The following SLC2A9 variants were observed in gnomAD, a reference collection of about 807,000 sequenced individuals.
SLC2A9 encodes the protein solute carrier family 2 member 9, also known as solute carrier family 2, facilitated glucose transporter member 9.
Under a neutral mutation model 50.6 loss-of-function variants are expected in SLC2A9, and 39 were observed. The observed-to-expected ratio is 0.77, with a 90% CI of 0.60 to 1.01. The LOEUF is 1.01. SLC2A9 is among the 50% of genes least tolerant of loss of function. SLC2A9 has a pLI of 0.00. For synonymous variants in SLC2A9, 324 were observed against 276.9 expected (o/e 1.17, Z -1.69); for missense variants, 686 against 677.6 (o/e 1.01, Z -0.14).
chr4:9,772,191 C>G (rs974276998), intron 1 of SLC2A9, among the ~76,000 whole-genome samples: 1 of 152,052 alleles, frequency 6.6e-6, no homozygotes, highest in Non-Finnish European at 1.5e-5. Context: ...GAGACCTGCC[C>G]AACAGCTCTG....
intron 6 of SLC2A9, among the ~76,000 whole-genome samples, chr4:9,940,665 G>A (rs1560347709): frequency 1.3e-5 from 2 of 152,152 alleles, no homozygotes; most frequent in Admixed American, 6.5e-5. Flanking sequence ...TCTGCAAAAT[G>A]AAGGTAATAA....
At chr4:10,020,878 G>A (rs1763423963) in intron 1 of SLC2A9, among the ~76,000 whole-genome samples, 1 of 152,230 alleles carries the variant, frequency 6.6e-6, no homozygotes, top group Admixed American at 6.5e-5. Flanking sequence ...CCCCCTGCCT[G>A]TGTGGCCCGC....
In SLC2A9 at chr4:10,032,006, G is replaced by C. The variant is rs561883549; in HGVS notation, c.-40-6000C>G. On this transcript the variant is annotated intron_variant, in intron 1 of 12. Transcript: ENST00000309065. Reference sequence around the variant, plus strand: ...TTGTTTTAGCTTCACTCATTCATGCGTTCACTTATTCATCCGATGGTGTAT... The same window carrying C: ...TTGTTTTAGCTTCACTCATTCATGCCTTCACTTATTCATCCGATGGTGTAT... Among the ~76,000 whole-genome samples, 8 of 152,276 alleles carry C rather than the reference G, an allele frequency of 5.3e-5. No homozygotes were observed. The East Asian group carries it at 1.5e-3, about 29-fold the overall frequency.
chr4:9,889,734 C>T (rs1053849636), intron 9 of SLC2A9, among the ~76,000 whole-genome samples: 1 of 152,168 alleles, frequency 6.6e-6, no homozygotes, highest in Non-Finnish European at 1.5e-5. Context: ...TTGAAAAATG[C>T]AAAGATTAAT....
chr4:10,015,520 G>T (rs1054011737), intron 2 of SLC2A9, among the ~76,000 whole-genome samples: 2 of 152,178 alleles, frequency 1.3e-5, no homozygotes, highest in African/African-American at 4.8e-5. Flanking sequence ...CATTTTTGTT[G>T]CAAGGATAGG....
At chr4:9,925,926 C>T (rs751154748) in intron 6 of SLC2A9, among the ~76,000 whole-genome samples, 9 of 152,140 alleles carry the variant, frequency 5.9e-5, no homozygotes, top group Non-Finnish European at 1.2e-4. Flanking sequence ...TGGCAGGCTC[C>T]CCATGGTCCT....
intron 1 of SLC2A9, among the ~76,000 whole-genome samples, chr4:10,032,041 C>CA (rs1763954782): frequency 6.6e-6 from 1 of 152,226 alleles, no homozygotes; most frequent in Non-Finnish European, 1.5e-5. Context: ...TATTGAGCAC[C>CA]TACCTTGTGT....
At chr4:9,859,666 C>T (rs115888137) in intron 10 of SLC2A9, among the ~76,000 whole-genome samples, 60 of 152,336 alleles carry the variant, frequency 3.9e-4, no homozygotes, top group African/African-American at 1.2e-3. Flanking sequence ...TCAGCCTTTG[C>T]TACTGTTTCT....
intron 3 of SLC2A9, among the ~76,000 whole-genome samples, chr4:9,799,515 C>G (rs1721039350): frequency 6.6e-6 from 1 of 152,078 alleles, no homozygotes; most frequent in Non-Finnish European, 1.5e-5. Context: ...TAATCAGCTC[C>G]TAAAGGCACC....
intron 5 of SLC2A9, among the ~76,000 whole-genome samples, chr4:9,946,203 A>C (rs138709947): frequency 6.7e-6 from 1 of 150,076 alleles, no homozygotes; most frequent in African/African-American, 2.5e-5. Context: ...GGTGATTTTT[A>C]ACTCCCAGTC....
At chr4:9,791,492 G>A (rs1191350062) in intron 3 of SLC2A9, among the ~76,000 whole-genome samples, 1 of 152,236 alleles carries the variant, frequency 6.6e-6, no homozygotes, top group African/African-American at 2.4e-5. Context: ...TTTAGTTGAT[G>A]CTGAAGGGGG....
chr4:9,836,296 T>C (rs1441675969), intron 10 of SLC2A9, among the ~76,000 whole-genome samples: 1 of 143,894 alleles, frequency 6.9e-6, no homozygotes, highest in Non-Finnish European at 1.5e-5. Context: ...AAAAAACCTA[T>C]GGAAATAAAA....
In SLC2A9 at chr4:9,990,614, T is replaced by C. The variant is rs1436231015; in HGVS notation, c.411-4821A>G. ...TTTCTAACCCTGCTTTCCCGGCTCA[T>C]GCGTCTGTAATACCAAAGGGGTTGT... is the stretch of plus-strand genomic sequence containing the variant. On this transcript the variant is annotated intron_variant, in intron 3 of 11. Coordinates refer to ENST00000264784, the MANE Select transcript of SLC2A9 (RefSeq NM_020041.3). Among the ~76,000 whole-genome samples the C allele has an allele frequency of 2.0e-5, 3 of 152,284 alleles. No homozygotes were observed. In the South Asian group the frequency reaches 6.2e-4, roughly 32 times the overall value.
intron 3 of SLC2A9, among the ~76,000 whole-genome samples, chr4:9,791,628 T>G (rs1719929804): frequency 6.6e-6 from 1 of 152,114 alleles, no homozygotes. Flanking sequence ...GTTGTGGGTG[T>G]TCTATGAAGA....
intron 1 of SLC2A9, chr4:10,019,381 C>T: frequency 4.3e-6 from 2 of 467,648 alleles, no homozygotes; most frequent in Non-Finnish European, 7.8e-6. Context: ...ACGATCCTTT[C>T]AGCGAAGTTG....
At chr4:9,797,498 G>A (rs1720733522), downstream of SLC2A9, among the ~76,000 whole-genome samples, 1 of 152,190 alleles carries the variant, frequency 6.6e-6, no homozygotes, top group South Asian at 2.1e-4. Flanking sequence ...GCCCAAGTCT[G>A]CATATGTATG....
chr4:9,829,126 G>A (rs1049633756), intron 11 of SLC2A9, among the ~76,000 whole-genome samples: 1 of 152,110 alleles, frequency 6.6e-6, no homozygotes, highest in African/African-American at 2.4e-5. Context: ...TGGCTCAGCC[G>A]AGCACAGTAG....
intron 7 of SLC2A9, among the ~76,000 whole-genome samples, chr4:9,917,979 C>T (rs1032570693): frequency 3.9e-5 from 6 of 152,110 alleles, no homozygotes; most frequent in Non-Finnish European, 8.8e-5. Context: ...AGGGAGTGCA[C>T]CCAACACCAG....
chr4:9,826,684 A>C, intron 11 of SLC2A9, 84 bp from the exon 12 acceptor site: 1 of 1,274,030 alleles, frequency 7.8e-7, no homozygotes. Flanking sequence ...TTTTTAAGAT[A>C]GCTCCACATT....
Sources: allele counts gnomAD v4.1 joint callset (sites outside exome capture counted in the v4.1 genomes callset), GRCh38; gene constraint gnomAD v4.1.1; transcripts MANE v1.5; gene names NCBI Gene and HGNC (gene_info 2026-07-23, HGNC 2026-07-21).